IL12RB1: variants seen among roughly 807,000 people sequenced by gnomAD.
IL12RB1 encodes the protein interleukin 12 receptor subunit beta 1.
A neutral mutation model predicts 94.4 loss-of-function variants in IL12RB1; 64 were observed. The ratio of observed to expected loss-of-function variants is 0.68; its 90% CI spans 0.55 to 0.83. IL12RB1 has a LOEUF of 0.83. Among genes scored for constraint, IL12RB1 ranks in the 40% least tolerant of loss-of-function variants. The pLI, the probability that IL12RB1 is intolerant of heterozygous loss-of-function variation, is 0.00. For missense variants in IL12RB1, 814 were observed against 855.6 expected (o/e 0.95, Z 0.61); for synonymous variants, 362 against 355.5 (o/e 1.02, Z -0.21).
intron 7 of IL12RB1, among the ~76,000 whole-genome samples, chr19:18,074,361 C>T (rs2035291516): frequency 2.0e-5 from 3 of 152,166 alleles, no homozygotes. Context: ...TGCCCAGGCT[C>T]AGGGCAGCAG....
intron 12 of IL12RB1, among the ~76,000 whole-genome samples, chr19:18,066,340 C>T (rs1249260254): frequency 6.6e-6 from 1 of 152,114 alleles, no homozygotes; most frequent in African/African-American, 2.4e-5. Flanking sequence ...CTCCTGACCT[C>T]AGGTGATCCG....
chr19:18,063,078 A>ATTTTT lies in IL12RB1; in HGVS notation c.1618+793_1618+797dup, dbSNP rs67262412. On this transcript the variant is annotated intron_variant, in intron 13 of 16. Coordinates refer to ENST00000593993, the MANE Select transcript of IL12RB1 (RefSeq NM_005535.3). ...TCTTTCTTCTCCTTCTTCTTCTTCT[A>ATTTTT]TTTTTTTTTTTTTTTTTTTTTTTTT... Among the ~76,000 whole-genome samples the ATTTTT allele has an allele frequency of 1.9e-3, 98 of 51,470 alleles. 10 individuals carry two copies. The highest frequency in any genetic ancestry group is 2.8e-3 in the East Asian group (4 of 1,404). The allele number at this position is 51,470 out of a possible 152,430, so 33.8% of individuals were successfully genotyped here.
In IL12RB1 at chr19:18,085,005, T is replaced by G. The variant is rs2036230249; in HGVS notation, c.65-1514A>C. ...GCAAGCACACTTGGCCCACTAGCAG[T>G]CAGGGCAATTATTAATAACATTTCT... is the stretch of plus-strand genomic sequence containing the variant. On this transcript the variant is annotated intron_variant, in intron 1 of 16. Transcript: ENST00000593993. Among the ~76,000 whole-genome samples the G allele has an allele frequency of 4.6e-5, 7 of 152,268 alleles. No homozygotes were observed. In the South Asian group the frequency reaches 1.4e-3, roughly 32 times the overall value.
Position 18,086,745 on chromosome 19 carries a change from G to C in IL12RB1, c.64+15C>G, listed in dbSNP as rs1334267214. 6.2e-7 allele frequency: 1 copy of C among 1,605,764 alleles called. No homozygotes were observed. The highest frequency in any genetic ancestry group is 8.5e-7 in the Non-Finnish European group (1 of 1,176,314). On this transcript the variant is annotated intron_variant, in intron 1 of 16. Coordinates refer to ENST00000593993, the MANE Select transcript of IL12RB1 (RefSeq NM_005535.3). ...CCAGCAAGAGGAGCCGCCATGCCAG[G>C]GTCAGGGGACTCACCGCCCTGCCTG... is the stretch of plus-strand genomic sequence containing the variant.
At chr19:18,063,134 C>T (rs1433541946) in intron 13 of IL12RB1, among the ~76,000 whole-genome samples, 2 of 122,586 alleles carry the variant, frequency 1.6e-5, no homozygotes, top group East Asian at 2.7e-4. Context: ...CTTGCTCCGT[C>T]GCCCAGGCCA....
rs34124195 is a variant in IL12RB1 at position 18,067,027 on chromosome 19, TAA to T, written c.1328-332_1328-331del. Reference sequence around the variant, plus strand: ...GGGCAACAGAGCAAGACCCTGTCTTTAAAAAAAAAAAAAAGCCCAGCCACGAT... The same window carrying T: ...GGGCAACAGAGCAAGACCCTGTCTTTAAAAAAAAAAAAGCCCAGCCACGAT... On this transcript the variant is annotated intron_variant, in intron 11 of 16. Transcript: ENST00000593993. Among the ~76,000 whole-genome samples, 226 of 129,432 alleles carry T rather than the reference TAA, an allele frequency of 1.7e-3. 1 individual carries two copies. Among genetic ancestry groups the T allele is most frequent in the Middle Eastern group, 3.9e-3 (1 of 256 alleles). 84.9% of individuals were successfully genotyped at this position (129,432 alleles called of 152,430 possible).
At chr19:18,092,693 G>A (rs2146583438) in intron 1 of IL12RB1, among the ~76,000 whole-genome samples, 1 of 148,696 alleles carries the variant, frequency 6.7e-6, no homozygotes. Context: ...AAAAAGAAAT[G>A]TGGTCTCACT....
intron 12 of IL12RB1, among the ~76,000 whole-genome samples, chr19:18,064,422 A>G (rs2034419446): frequency 6.6e-6 from 1 of 150,624 alleles, no homozygotes; most frequent in Non-Finnish European, 1.5e-5. Context: ...TACAGGTGTG[A>G]GCCACCAAGC....
chr19:18,071,961 G>A (rs368300), intron 9 of IL12RB1, 151 bp downstream of exon 9: 45 of 674,564 alleles, frequency 6.7e-5, no homozygotes, highest in African/African-American at 6.3e-4. Context: ...CACCGTGCCT[G>A]GCTGATTACT....
chr19:18,095,144 A>C (rs2036831230), intron 1 of IL12RB1, among the ~76,000 whole-genome samples: 1 of 150,494 alleles, frequency 6.6e-6, no homozygotes, highest in Non-Finnish European at 1.5e-5. Flanking sequence ...CCGCGACTGC[A>C]CTCCAGCCTG....
At chr19:18,063,798 A>G in intron 13 of IL12RB1, 78 bp downstream of exon 13, 1 of 1,341,680 alleles carries the variant, frequency 7.5e-7, no homozygotes, top group Non-Finnish European at 1.0e-6. Flanking sequence ...GAGTGAGGGC[A>G]GGGCTGCTAA....
intron 1 of IL12RB1, among the ~76,000 whole-genome samples, chr19:18,092,049 G>C (rs2036654130): frequency 6.6e-6 from 1 of 150,954 alleles, no homozygotes. Flanking sequence ...GCTAATTTTT[G>C]TATTTGTAGT....
At chr19:18,072,969 A>G (rs1387475800) in intron 8 of IL12RB1, among the ~76,000 whole-genome samples, 1 of 112,766 alleles carries the variant, frequency 8.9e-6, no homozygotes, top group South Asian at 2.7e-4. Flanking sequence ...AAAAAAAGGA[A>G]AAAAAAGAAG....
intron 8 of IL12RB1, among the ~76,000 whole-genome samples, chr19:18,072,713 C>A (rs553158725): frequency 2.0e-5 from 3 of 151,856 alleles, no homozygotes; most frequent in Non-Finnish European, 4.4e-5. Flanking sequence ...TTTGGGAGGC[C>A]GAGACGGGTA....
chr19:18,083,174 G>A (rs17884999), intron 2 of IL12RB1: 14,703 of 589,968 alleles, frequency 0.025, 240 homozygotes, highest in Non-Finnish European at 0.033. Flanking sequence ...CCCATGTACC[G>A]ACCAATCTGA....
intron 1 of IL12RB1, among the ~76,000 whole-genome samples, chr19:18,092,544 C>A (rs1046334491): frequency 5.3e-5 from 8 of 151,810 alleles, no homozygotes; most frequent in Non-Finnish European, 1.0e-4. Flanking sequence ...GTGGCACGCG[C>A]CTGTAATCCT....
chr19:18,079,429 T>G (rs757253960), intron 4 of IL12RB1, among the ~76,000 whole-genome samples: 4 of 152,082 alleles, frequency 2.6e-5, no homozygotes, highest in Non-Finnish European at 5.9e-5. Flanking sequence ...TTAGCAAATT[T>G]TCAATATACA....
Position 18,072,214 on chromosome 19 carries a change from G to T in IL12RB1, c.919C>A (p.Pro307Thr), listed in dbSNP as rs369757597. The T allele has an allele frequency of 9.3e-6, 15 of 1,614,018 alleles. No homozygotes were observed. The African/African-American group carries it at 1.7e-4, about 19-fold the overall frequency. ...TTGTAGGCAGCACCCGAGAGATAGG[G>T]CATCTTCCCCAGGTGCAGGGTCCTG... Reference protein sequence around the residue: ...ATRTLHLGKMPYLSGAAYNVA... With the variant: ...ATRTLHLGKMTYLSGAAYNVA... Residue 307 changes from proline (P) to threonine (T), a missense_variant, in exon 9 of 17, where the codon CCC becomes ACC. Transcript: ENST00000593993.
chr19:18,069,486 C>A, intron 10 of IL12RB1, 60 bp downstream of exon 10: 2 of 1,487,902 alleles, frequency 1.3e-6, no homozygotes, highest in Admixed American at 2.0e-5. Flanking sequence ...TTTGAACCCA[C>A]CAGGACCTAA....
Sources: gnomAD v4.1 joint callset for allele counts (sites outside exome capture counted in the v4.1 genomes callset) on GRCh38, gnomAD v4.1.1 for gene constraint, MANE v1.5 for transcripts, NCBI Gene and HGNC (gene_info 2026-07-23, HGNC 2026-07-21) for gene names.